Variants in PDE12 observed in about 807,000 individuals in gnomAD.
PDE12 encodes the protein 2',5'-phosphodiesterase 12.
Under a neutral mutation model 45.4 loss-of-function variants are expected in PDE12, and 26 were observed. That is an observed-to-expected ratio of 0.57 (90% CI 0.42 to 0.79). The LOEUF is 0.79. PDE12 is among the 30% of genes least tolerant of loss of function. PDE12 has a pLI of 0.00. For synonymous variants in PDE12, 283 were observed against 323.9 expected, an observed-to-expected ratio of 0.87 and a Z score of 1.36; for missense variants, 668 against 790.0, an observed-to-expected ratio of 0.85 and a Z score of 1.85.
At chr3:57,634,389 C>T in the PDE12 span, among the ~76,000 whole-genome samples, 2 of 142,502 alleles carry the variant, frequency 1.4e-5, no homozygotes, top group East Asian at 4.2e-4. Context: ...GCTGAGATCA[C>T]ATCACTGCAC....
intron 1 of PDE12, among the ~76,000 whole-genome samples, chr3:57,559,047 C>T (rs910825521): frequency 6.6e-6 from 1 of 151,448 alleles, no homozygotes; most frequent in Non-Finnish European, 1.5e-5. Context: ...GATGAAACCC[C>T]GTCTCTACTA....
the PDE12 span, among the ~76,000 whole-genome samples, chr3:57,648,814 A>G: frequency 6.6e-6 from 1 of 152,210 alleles, no homozygotes; most frequent in Admixed American, 6.5e-5. Context: ...GGCAAGCCAC[A>G]TGTAGAAGAA....
chr3:57,603,153 C>T, the PDE12 span, among the ~76,000 whole-genome samples: 3 of 151,074 alleles, frequency 2.0e-5, no homozygotes, highest in Non-Finnish European at 2.9e-5. Context: ...GGCAACACAG[C>T]GAGACTCCGT....
the PDE12 span, among the ~76,000 whole-genome samples, chr3:57,652,566 G>A: frequency 2.6e-5 from 4 of 152,046 alleles, no homozygotes; most frequent in Non-Finnish European, 4.4e-5. Flanking sequence ...CCTAAGTATT[G>A]GGATAATTTG....
At chr3:57,653,831 GT>G in the PDE12 span, among the ~76,000 whole-genome samples, 11,220 of 139,592 alleles carry the variant, frequency 0.08, 1,459 homozygotes, top group African/African-American at 0.27. Flanking sequence ...AAATCACTGG[GT>G]TTTTTTTTTT....
At chr3:57,615,494 A>G in the PDE12 span, among the ~76,000 whole-genome samples, 43 of 151,004 alleles carry the variant, frequency 2.8e-4, no homozygotes, top group African/African-American at 1.0e-3. Flanking sequence ...AAGTAAACAA[A>G]AGAAAGACTA....
At chr3:57,583,175 T>C in the PDE12 span, among the ~76,000 whole-genome samples, 1 of 152,214 alleles carries the variant, frequency 6.6e-6, no homozygotes, top group African/African-American at 2.4e-5. Context: ...TTGCTAGAAA[T>C]ACAGAATCTC....
rs1170124506 is a variant in PDE12, at chr3:57,560,130, G to A, written c.*126G>A. 2.8e-6 allele frequency: 4 copies of A among 1,435,832 alleles called. No individual in the cohort carries two copies. The highest frequency in any genetic ancestry group is 3.6e-6 in the Non-Finnish European group (4 of 1,101,030). 88.9% of individuals were successfully genotyped at this position (1,435,832 alleles called of 1,614,324 possible). A position where few individuals can be genotyped will look rare whatever the true frequency, so the allele number is the denominator to read the frequency against. ...TAAAATGTTCAGCCCTCCTAGTTAT[G>A]TTCCTGATGTCTTCGTTATGAAACT... is the stretch of plus-strand genomic sequence containing the variant. On this transcript the variant is annotated 3_prime_UTR_variant, in exon 3 of 3. Transcript: ENST00000311180.
Position 57,556,340 on chromosome 3 carries a change from A to G in PDE12, c.-40A>G, listed in dbSNP as rs779964066. On this transcript the variant is annotated 5_prime_UTR_variant, in exon 1 of 3. Transcript: ENST00000311180. This position sits in a 1 kb window ranked among gnomAD's most constrained non-coding sequence, Gnocchi z 5.0. The stretch of plus-strand genomic sequence containing the variant: ...AGCTCCACCTGACAGTAGGCCGCTG[A>G]TCGGCCGCGGGTCTTGTCGACCGCT... 2.6e-5 allele frequency: 40 copies of G among 1,514,644 alleles called. No homozygotes were observed. The highest frequency in any genetic ancestry group is 3.4e-5 in the Non-Finnish European group (38 of 1,129,882). The allele number at this position is 1,514,644 out of a possible 1,614,324, so 93.8% of individuals were successfully genotyped here.
chr3:57,649,553 C>T, the PDE12 span, among the ~76,000 whole-genome samples: 1 of 150,358 alleles, frequency 6.7e-6, no homozygotes, highest in African/African-American at 2.4e-5. Context: ...AAGATTCTTG[C>T]ACATGCATGT....
chr3:57,611,085 T>G, the PDE12 span, among the ~76,000 whole-genome samples: 8 of 152,022 alleles, frequency 5.3e-5, no homozygotes, highest in South Asian at 1.7e-3. Flanking sequence ...AATACACATC[T>G]ACAACCATCT....
the PDE12 span, among the ~76,000 whole-genome samples, chr3:57,620,816 GAA>G: frequency 6.6e-6 from 1 of 151,734 alleles, no homozygotes; most frequent in African/African-American, 2.4e-5. Context: ...ATTGCTGAGA[GAA>G]AGAAAACATA....
the PDE12 span, among the ~76,000 whole-genome samples, chr3:57,604,601 CT>C: frequency 0.2 from 8,861 of 43,768 alleles, 1,248 homozygotes; most frequent in South Asian, 0.33. Flanking sequence ...CTTTTTCTTT[CT>C]TTTTTTTTTT....
chr3:57,630,364 T>C, the PDE12 span: 1 of 1,443,526 alleles, frequency 6.9e-7, no homozygotes, highest in Admixed American at 2.5e-5. Context: ...CTTCTAAGCA[T>C]AATTATCTTT....
At chr3:57,654,632 C>T in the PDE12 span, 1 of 984,594 alleles carries the variant, frequency 1.0e-6, no homozygotes, top group African/African-American at 1.7e-5. Context: ...AGAAAACTGC[C>T]CTTCAATTCT....
chr3:57,558,378 C>G (rs888661640), intron 1 of PDE12, among the ~76,000 whole-genome samples: 1 of 152,196 alleles, frequency 6.6e-6, no homozygotes, highest in African/African-American at 2.4e-5. Context: ...AGTATTCAAA[C>G]CCAGGTCTGC....
the PDE12 span, among the ~76,000 whole-genome samples, chr3:57,592,966 A>T: frequency 6.6e-6 from 1 of 152,148 alleles, no homozygotes; most frequent in East Asian, 1.9e-4. Context: ...GCACTTTGGG[A>T]GGTCGAGGCA....
the PDE12 span, among the ~76,000 whole-genome samples, chr3:57,585,795 T>G: frequency 1.3e-5 from 2 of 151,504 alleles, no homozygotes; most frequent in Non-Finnish European, 2.9e-5. Flanking sequence ...CCGGAGTAAC[T>G]GGGATTACAG....
the PDE12 span, among the ~76,000 whole-genome samples, chr3:57,609,729 G>A: frequency 6.6e-6 from 1 of 152,238 alleles, no homozygotes; most frequent in East Asian, 1.9e-4. Flanking sequence ...CTCTGAAATT[G>A]AGGCAATAAT....
Sources: allele counts gnomAD v4.1 joint callset (sites outside exome capture counted in the v4.1 genomes callset), GRCh38; gene constraint gnomAD v4.1.1; non-coding constraint Gnocchi (gnomAD v3.1); transcripts MANE v1.5; gene names NCBI Gene and HGNC (gene_info 2026-07-23, HGNC 2026-07-21).